DISP3: variants seen among roughly 807,000 people sequenced by gnomAD.
DISP3 encodes dispatched RND transporter family member 3, also known as protein dispatched homolog 3.
In DISP3, 101 loss-of-function variants were observed where a neutral mutation model predicts 135.3. The observed-to-expected ratio is 0.75, with a 90% CI of 0.64 to 0.88. The LOEUF is 0.88. Ranked by LOEUF, DISP3 falls within the 40% of genes least tolerant of loss-of-function variation. The pLI, the probability that DISP3 is intolerant of heterozygous loss-of-function variation, is 0.00. For missense variants in DISP3, 1,713 were observed against 1,878.6 expected (o/e 0.91, Z 1.63); for synonymous variants, 856 against 817.0 (o/e 1.05, Z -0.81).
intron 10 of DISP3, among the ~76,000 whole-genome samples, chr1:11,522,508 C>T (rs1570129602): frequency 6.6e-6 from 1 of 150,380 alleles, no homozygotes; most frequent in South Asian, 2.1e-4. Flanking sequence ...CCCGAAGCTC[C>T]CTGACAACAT....
Position 11,531,447 on chromosome 1 carries a change from C to T in DISP3, c.3230-118C>T. The T allele has an allele frequency of 2.1e-6, 3 of 1,439,840 alleles. No homozygotes were observed. Among genetic ancestry groups the T allele is most frequent in the Non-Finnish European group, 1.9e-6 (2 of 1,040,742 alleles). The allele number at this position is 1,439,840 out of a possible 1,614,324, so 89.2% of individuals were successfully genotyped here. A position where few individuals can be genotyped will look rare whatever the true frequency, so the allele number is the denominator to read the frequency against. ...GTTGTAGGTTTCCCAATGCCGTTGC[C>T]AATGGTTACAAGCACTCTAAGCCTC... On this transcript the variant is annotated intron_variant, in intron 16 of 20. Coordinates refer to ENST00000294484, the MANE Select transcript of DISP3 (RefSeq NM_020780.2). The surrounding 1 kb of genome is among the most constrained non-coding windows in gnomAD (Gnocchi z 5.2).
Position 11,536,205 on chromosome 1 carries a change from G to T in DISP3, c.3817-119G>T. The T allele has an allele frequency of 1.4e-6, 2 of 1,411,736 alleles. No homozygotes were observed. The highest frequency in any genetic ancestry group is 1.9e-6 in the Non-Finnish European group (2 of 1,072,764). The allele number at this position is 1,411,736 out of a possible 1,614,324, so 87.5% of individuals were successfully genotyped here. A position where few individuals can be genotyped will look rare whatever the true frequency, so the allele number is the denominator to read the frequency against. On this transcript the variant is annotated intron_variant, in intron 20 of 20. Transcript: ENST00000294484. This position sits in a 1 kb window ranked among gnomAD's most constrained non-coding sequence, Gnocchi z 4.3. Reference sequence around the variant, plus strand: ...TCCCAACCCTGGGAGGCCACTTGCAGCTCTCATCCCAGTAACAGAGCAGGA... The same window carrying T: ...TCCCAACCCTGGGAGGCCACTTGCATCTCTCATCCCAGTAACAGAGCAGGA...
chr1:11,530,037 A>T, intron 15 of DISP3, 78 bp downstream of exon 15: 6 of 1,546,620 alleles, frequency 3.9e-6, no homozygotes, highest in Non-Finnish European at 5.2e-6. Context: ...CCAGGGAACC[A>T]TGTCCAGCTC....
Position 11,529,220 on chromosome 1 carries a change from C to T in DISP3, c.2799-336C>T, listed in dbSNP as rs1440244351. Reference sequence around the variant, plus strand: ...ACTAGGGTTGGCCCTGGGGGTCCCTCCTGAACCCTCGTACCCCCGGGGGAC... The same window carrying T: ...ACTAGGGTTGGCCCTGGGGGTCCCTTCTGAACCCTCGTACCCCCGGGGGAC... On this transcript the variant is annotated intron_variant, in intron 13 of 20. Transcript: ENST00000294484. This position sits in a 1 kb window ranked among gnomAD's most constrained non-coding sequence, Gnocchi z 4.7. Among the ~76,000 whole-genome samples, 1 of 152,080 alleles carries T rather than the reference C, an allele frequency of 6.6e-6. No homozygotes were observed. Among genetic ancestry groups the T allele is most frequent in the East Asian group, 1.9e-4 (1 of 5,198 alleles).
intron 3 of DISP3, among the ~76,000 whole-genome samples, chr1:11,503,305 T>A (rs1051976019): frequency 2.0e-5 from 3 of 152,042 alleles, no homozygotes; most frequent in Non-Finnish European, 4.4e-5. Flanking sequence ...GAGAGGAGAT[T>A]TATTAGAGGA....
intron 12 of DISP3, 43 bp from the exon 13 acceptor site, chr1:11,526,608 C>A (rs1177243520): frequency 5.7e-6 from 9 of 1,587,760 alleles, no homozygotes; most frequent in East Asian, 2.3e-5. Context: ...CCGAGGCAGC[C>A]CCCCCGAGTC....
rs1319585717 is a variant in DISP3, at chr1:11,537,364, A to G, written c.*678A>G. On this transcript the variant is annotated 3_prime_UTR_variant, in exon 21 of 21. Transcript: ENST00000294484. ...TGTCCTACCCCTGACCCCAGCCTCA[A>G]GGGGCCCCTCAAAGGCCCTCTCTGG... The G allele has an allele frequency of 6.6e-6, 1 of 151,872 alleles. No individual in the cohort carries two copies. The allele number at this position is 151,872 out of a possible 1,614,324, so 9.4% of individuals were successfully genotyped here. A position where few individuals can be genotyped will look rare whatever the true frequency, so the allele number is the denominator to read the frequency against.
At chr1:11,532,971 G>A (rs539049938) in intron 17 of DISP3, among the ~76,000 whole-genome samples, 28 of 152,200 alleles carry the variant, frequency 1.8e-4, no homozygotes, top group African/African-American at 6.7e-4. Context: ...CTCCCAAAGT[G>A]CTGGGATTAC....
At chr1:11,530,744 G>A (rs1642554797) in intron 15 of DISP3, among the ~76,000 whole-genome samples, 163 bp from the exon 16 acceptor site, 1 of 152,094 alleles carries the variant, frequency 6.6e-6, no homozygotes, top group African/African-American at 2.4e-5. Context: ...CAGGGCAGAG[G>A]GTTAGGGTGG....
chr1:11,524,179 A>G (rs1642340206), intron 11 of DISP3, 124 bp downstream of exon 11: 1 of 731,362 alleles, frequency 1.4e-6, no homozygotes, highest in African/African-American at 1.8e-5. Context: ...GTTCCTGGTC[A>G]CTGCAGAGGA....
chr1:11,479,171 A>T lies in DISP3; in HGVS notation c.-205A>T, dbSNP rs145785100. On this transcript the variant is annotated 5_prime_UTR_variant, in exon 1 of 21. Coordinates refer to ENST00000294484, the MANE Select transcript of DISP3 (RefSeq NM_020780.2). Reference sequence around the variant, plus strand: ...GGAGTGCTCGGGTTGCGAGCTGAGGACTGGGATTCGCGCGCAGCTTCCCGC... The same window carrying T: ...GGAGTGCTCGGGTTGCGAGCTGAGGTCTGGGATTCGCGCGCAGCTTCCCGC... 1,104 of 156,488 alleles carry T rather than the reference A, an allele frequency of 7.1e-3. 58 individuals are homozygous for T. In the South Asian group the frequency reaches 0.14, roughly 19 times the overall value. 9.7% of individuals were successfully genotyped at this position (156,488 alleles called of 1,614,324 possible). A position where few individuals can be genotyped will look rare whatever the true frequency, so the allele number is the denominator to read the frequency against.
chr1:11,518,062 G>A (rs552966178), intron 7 of DISP3, among the ~76,000 whole-genome samples: 32 of 152,296 alleles, frequency 2.1e-4, no homozygotes, highest in African/African-American at 7.5e-4. Flanking sequence ...AGAGTTGAAC[G>A]GGTCAGTTCA....
intron 1 of DISP3, among the ~76,000 whole-genome samples, chr1:11,496,517 T>C (rs1387100354): frequency 2.6e-5 from 4 of 152,170 alleles, no homozygotes; most frequent in Non-Finnish European, 5.9e-5. Context: ...CTCCGGGCTT[T>C]GTCTGAATCA....
chr1:11,520,872 C>G lies in DISP3; in HGVS notation c.2362+24C>G, dbSNP rs1422886022. The G allele has an allele frequency of 5.1e-6, 8 of 1,569,714 alleles. No individual in the cohort carries two copies. The highest frequency in any genetic ancestry group is 6.1e-6 in the Non-Finnish European group (7 of 1,156,510). ...AGGTGAGGCTTCTAGCCAGGCTGTCCCTGGCCCGCTCAGGTGTCCGGGTCC... is the reference window on the plus strand; with the variant it reads ...AGGTGAGGCTTCTAGCCAGGCTGTCGCTGGCCCGCTCAGGTGTCCGGGTCC... On this transcript the variant is annotated intron_variant, in intron 10 of 20. Transcript: ENST00000294484. The surrounding 1 kb of genome is among the most constrained non-coding windows in gnomAD (Gnocchi z 4.8).
intron 1 of DISP3, among the ~76,000 whole-genome samples, chr1:11,488,762 CAAAT>C (rs1443958093): frequency 2.0e-5 from 3 of 152,120 alleles, no homozygotes; most frequent in Non-Finnish European, 4.4e-5. Context: ...ATGTAAGACT[CAAAT>C]AAAATCTACC....
intron 20 of DISP3, 91 bp downstream of exon 20, chr1:11,535,735 A>C: frequency 6.8e-7 from 1 of 1,468,698 alleles, no homozygotes; most frequent in Non-Finnish European, 9.2e-7. Context: ...GCAGCTGAAC[A>C]TCCCAGCACC....
At chr1:11,512,727 C>G (rs377206524) in intron 3 of DISP3, among the ~76,000 whole-genome samples, 2 of 152,186 alleles carry the variant, frequency 1.3e-5, no homozygotes, top group Non-Finnish European at 2.9e-5. Flanking sequence ...TTCAGCAGAG[C>G]CCCACTCTAC....
chr1:11,526,693 G>A lies in DISP3; in HGVS notation c.2656G>A (p.Ala886Thr), dbSNP rs756696060. 32 of 1,614,030 alleles carry A rather than the reference G, an allele frequency of 2.0e-5. No homozygotes were observed. The highest frequency in any genetic ancestry group is 3.3e-5 in the Admixed American group (2 of 60,008). The change falls in exon 13 of 21, where the codon GCT (alanine) becomes ACT (threonine). Residue 886 changes from alanine to threonine, a missense_variant. Physicochemically the swap from Ala to Thr is moderately conservative, Grantham distance 58. Coordinates refer to ENST00000294484, the MANE Select transcript of DISP3 (RefSeq NM_020780.2). ...TGGTAACTTCACCAAGAAGCTGACCGCTTGTATGTCTACAGTAGGGCTGCT... is the reference window on the plus strand; with the variant it reads ...TGGTAACTTCACCAAGAAGCTGACCACTTGTATGTCTACAGTAGGGCTGCT... ...PFGNFTKKLT[A>T]CMSTVGLLQA...
chr1:11,487,630 C>A (rs1186404583), intron 1 of DISP3, among the ~76,000 whole-genome samples: 1 of 152,246 alleles, frequency 6.6e-6, no homozygotes, highest in Non-Finnish European at 1.5e-5. Flanking sequence ...TCCCAGGCTT[C>A]ACCTCCTCCA....
Sources: allele counts gnomAD v4.1 joint callset (sites outside exome capture counted in the v4.1 genomes callset), GRCh38; gene constraint gnomAD v4.1.1; non-coding constraint Gnocchi (gnomAD v3.1); transcripts MANE v1.5; gene names NCBI Gene and HGNC (gene_info 2026-07-23, HGNC 2026-07-21).